GBP2: variants seen among roughly 807,000 people sequenced by gnomAD.
The protein encoded by GBP2 is guanylate-binding protein 2.
A neutral mutation model predicts 60.8 loss-of-function variants in GBP2; 54 were observed. That is an observed-to-expected ratio of 0.89 (90% CI 0.71 to 1.11). The LOEUF is 1.11. Ranked by LOEUF, GBP2 falls within the 50% of genes most tolerant of loss-of-function variation. The pLI is 0.00. For missense variants in GBP2, 665 were observed against 703.3 expected (o/e 0.95, Z 0.62); for synonymous variants, 243 against 256.5 (o/e 0.95, Z 0.50).
At chr1:89,113,618 T>G (rs1681208053) in intron 7 of GBP2, among the ~76,000 whole-genome samples, 1 of 152,198 alleles carries the variant, frequency 6.6e-6, no homozygotes, top group Non-Finnish European at 1.5e-5. Context: ...CTTGGCCTTC[T>G]GAATATTTTA....
intron 8 of GBP2, among the ~76,000 whole-genome samples, chr1:89,111,428 A>G (rs1681161295): frequency 6.6e-6 from 1 of 152,200 alleles, no homozygotes. Flanking sequence ...ACACCAAAAA[A>G]ACTATTAGAA....
chr1:89,110,330 C>T (rs1681137977), intron 8 of GBP2, 64 bp from the exon 9 acceptor site: 1 of 1,192,590 alleles, frequency 8.4e-7, no homozygotes, highest in African/African-American at 1.5e-5. Flanking sequence ...AGCAATCCCA[C>T]CACTGGGTAT....
At chr1:89,121,103 T>G in intron 3 of GBP2, 40 bp downstream of exon 3, 1 of 1,559,738 alleles carries the variant, frequency 6.4e-7, no homozygotes. Flanking sequence ...TAGATTTTAA[T>G]CTACCTAAGT....
rs1047606024 is a variant in GBP2 at position 89,112,519 on chromosome 1, G to A, written c.1315C>T (p.Gln439Ter). 1.9e-6 allele frequency: 3 copies of A among 1,614,016 alleles called. No homozygotes were observed. Among genetic ancestry groups the A allele is most frequent in the East Asian group, 2.2e-5 (1 of 44,890 alleles). ...GGYRLFTQKL[Q>*]ELKNKYYQVP... ...TGGTAGTACTTATTCTTCAGCTCCT[G>A]CAGCTTCTGAGTAAAGAGACGGTAA... The change falls in exon 8 of 11, where the codon CAG becomes TAG. Residue 439 changes from glutamine (Q) to a stop codon, truncating the protein, a stop_gained. Coordinates refer to ENST00000370466, the MANE Select transcript of GBP2 (RefSeq NM_004120.5). LOFTEE classifies it high-confidence loss of function.
intron 6 of GBP2, among the ~76,000 whole-genome samples, chr1:89,115,488 TCTC>T (rs1681250683): frequency 6.6e-6 from 1 of 152,190 alleles, no homozygotes; most frequent in Admixed American, 6.5e-5. Flanking sequence ...CAAACTCTAA[TCTC>T]CTCAAAGTCC....
In GBP2 at chr1:89,112,702, A is replaced by ATCTGTGCTGTTTT; in HGVS notation, c.1150-19_1150-18insAAAACAGCACAGA. The ATCTGTGCTGTTTT allele has an allele frequency of 6.3e-7, 1 of 1,586,544 alleles. No homozygotes were observed. The highest frequency in any genetic ancestry group is 8.7e-7 in the Non-Finnish European group (1 of 1,154,808). On this transcript the variant is annotated intron_variant, in intron 7 of 10. Coordinates refer to ENST00000370466, the MANE Select transcript of GBP2 (RefSeq NM_004120.5). ...AACTGGGCCTGTGAAGTGACAAAAC[A>ATCTGTGCTGTTTT]GCACAGATGTTTCAGTAAAGCCATG...
chr1:89,122,009 TG>T, intron 1 of GBP2, 26 bp from the exon 2 acceptor site: 1 of 1,533,420 alleles, frequency 6.5e-7, no homozygotes, highest in Non-Finnish European at 8.8e-7. Context: ...AAAGATGAAA[TG>T]GAAAGCAGTT....
chr1:89,120,795 G>C (rs1295529982), intron 3 of GBP2, among the ~76,000 whole-genome samples: 1 of 152,006 alleles, frequency 6.6e-6, no homozygotes, highest in Non-Finnish European at 1.5e-5. Flanking sequence ...TACTACCTTT[G>C]TGGGATCCCA....
intron 4 of GBP2, 124 bp from the exon 5 acceptor site, chr1:89,117,897 T>G: frequency 1.3e-6 from 1 of 775,690 alleles, no homozygotes; most frequent in Non-Finnish European, 2.0e-6. Flanking sequence ...CAAACATTTA[T>G]TTACAGAATT....
chr1:89,113,321 T>C (rs771837926), intron 7 of GBP2, among the ~76,000 whole-genome samples: 1 of 152,254 alleles, frequency 6.6e-6, no homozygotes, highest in Non-Finnish European at 1.5e-5. Context: ...GAAAGTCTCA[T>C]AGAACAGCAC....
intron 6 of GBP2, among the ~76,000 whole-genome samples, chr1:89,116,082 C>T (rs760675870): frequency 3.2e-4 from 48 of 152,042 alleles, no homozygotes; most frequent in Non-Finnish European, 1.8e-4. Flanking sequence ...GTGCAGTCTC[C>T]GCTCACTGCA....
At chr1:89,111,073 A>C (rs952814353) in intron 8 of GBP2, among the ~76,000 whole-genome samples, 3 of 152,334 alleles carry the variant, frequency 2.0e-5, no homozygotes, top group African/African-American at 7.2e-5. Flanking sequence ...TTTCAATTCA[A>C]GCTGAAAAAA....
In GBP2 at chr1:89,117,478, TAC is replaced by T. The variant is rs764713117; in HGVS notation, c.625+97_625+98del. ...TCCTCTAGCAGAACAGTCAGAAAAA[TAC>T]AGTTAAAAATTATAATTTTTAGCAC... On this transcript the variant is annotated intron_variant, in intron 5 of 10. Transcript: ENST00000370466. 1.8e-4 allele frequency: 205 copies of T among 1,147,922 alleles called. 14 individuals carry two copies. Among genetic ancestry groups the T allele is most frequent in the East Asian group, 5.4e-4 (23 of 42,478 alleles). The allele number at this position is 1,147,922 out of a possible 1,614,324, so 71.1% of individuals were successfully genotyped here. A position where few individuals can be genotyped will look rare whatever the true frequency, so the allele number is the denominator to read the frequency against.
chr1:89,117,275 ATTAC>A (rs1294243376), intron 5 of GBP2, 41 bp from the exon 6 acceptor site: 1 of 1,486,926 alleles, frequency 6.7e-7, no homozygotes, highest in Admixed American at 1.7e-5. Flanking sequence ...CTTCAAATTA[ATTAC>A]TTCAAATATG....
In GBP2 at chr1:89,112,539, C is replaced by T. The variant is rs139664617; in HGVS notation, c.1295G>A (p.Arg432His). The T allele has an allele frequency of 1.4e-5, 23 of 1,614,002 alleles. 1 individual carries two copies. Among genetic ancestry groups the T allele is most frequent in the Middle Eastern group, 1.6e-4 (1 of 6,084 alleles). Residue 432 changes from arginine (R) to histidine (H), a missense_variant, in exon 8 of 11, where the codon CGT becomes CAT. Transcript: ENST00000370466. ...QGTFSKPGGY[R>H]LFTQKLQELK... ...CTCCTGCAGCTTCTGAGTAAAGAGA[C>T]GGTAACCTCCTGGTTTAGAAAATGT...
At position 89,114,135 on chromosome 1, in the gene GBP2, G is replaced by A. The variant is rs750980760; in HGVS notation, c.1030C>T (p.Pro344Ser). 4.3e-5 allele frequency: 69 copies of A among 1,614,036 alleles called. No homozygotes were observed. The highest frequency in any genetic ancestry group is 4.2e-5 in the Non-Finnish European group (50 of 1,180,034). ...EQQMGQKVQL[P>S]TETLQELLDL... The stretch of plus-strand genomic sequence containing the variant: ...AGCAGCTCCTGGAGGGTTTCCGTGG[G>A]CAGCTGCACCTTCTGGCCCATCTGC... The change falls in exon 7 of 11, where the codon CCC becomes TCC. Residue 344 changes from proline to serine, a missense_variant. By Grantham distance (74) the Pro-to-Ser change is moderately conservative. Transcript: ENST00000370466.
In GBP2 at chr1:89,110,051, A is replaced by G. The variant is rs1681132573; in HGVS notation, c.1465+113T>C. ...TAGTTAAGAAAACTCTCATAGAACT[A>G]TGAATGATACTTGCCATTCTTTCTC... On this transcript the variant is annotated intron_variant, in intron 9 of 10. Coordinates refer to ENST00000370466, the MANE Select transcript of GBP2 (RefSeq NM_004120.5). The G allele has an allele frequency of 4.2e-6, 4 of 961,524 alleles. No homozygotes were observed. In the Admixed American group the frequency reaches 7.3e-5, roughly 17 times the overall value. The allele number at this position is 961,524 out of a possible 1,614,324, so 59.6% of individuals were successfully genotyped here. A position where few individuals can be genotyped will look rare whatever the true frequency, so the allele number is the denominator to read the frequency against.
chr1:89,117,871 CTCAT>C (rs1172936140), intron 4 of GBP2, 98 bp from the exon 5 acceptor site: 10 of 878,396 alleles, frequency 1.1e-5, no homozygotes, highest in Admixed American at 3.0e-5. Flanking sequence ...TTTTTATTAG[CTCAT>C]TCATTCATTC....
intron 7 of GBP2, 51 bp downstream of exon 7, chr1:89,113,965 A>G (rs1681216243): frequency 6.3e-7 from 1 of 1,598,108 alleles, no homozygotes; most frequent in Non-Finnish European, 8.6e-7. Flanking sequence ...TTATTTTCCC[A>G]TGAAGGGCCC....
Sources: gnomAD v4.1 joint callset for allele counts (sites outside exome capture counted in the v4.1 genomes callset) on GRCh38, gnomAD v4.1.1 for gene constraint, MANE v1.5 for transcripts, NCBI Gene and HGNC (gene_info 2026-07-23, HGNC 2026-07-21) for gene names.